The following SCN11A variants were observed in gnomAD, a reference collection of about 807,000 sequenced individuals.
SCN11A encodes sodium voltage-gated channel alpha subunit 11.
Under a neutral mutation model 162.2 loss-of-function variants are expected in SCN11A, and 122 were observed. The ratio of observed to expected loss-of-function variants is 0.75; its 90% CI spans 0.65 to 0.87. The LOEUF is 0.87. SCN11A is among the 40% of genes least tolerant of loss of function. The probability of loss-of-function intolerance (pLI) is 0.00; values close to 1 mark genes in which losing one functional copy is unlikely to be tolerated. For missense variants in SCN11A, 2,015 were observed against 2,181.6 expected, an observed-to-expected ratio of 0.92 and a Z score of 1.52; for synonymous variants, 758 against 751.5, an observed-to-expected ratio of 1.01 and a Z score of -0.14.
chr3:38,917,907 A>AT (rs1210820505), intron 11 of SCN11A, among the ~76,000 whole-genome samples: 1 of 152,170 alleles, frequency 6.6e-6, no homozygotes, highest in East Asian at 1.9e-4. Context: ...ACCTACTGAA[A>AT]TAAAAAAAAT....
intron 2 of SCN11A, among the ~76,000 whole-genome samples, chr3:39,012,616 G>A (rs1034850149): frequency 2.0e-5 from 3 of 151,860 alleles, no homozygotes; most frequent in African/African-American, 7.3e-5. Context: ...AAGCAGCTGG[G>A]ACTACAGGCA....
At chr3:38,913,713 T>G (rs560198839) in intron 11 of SCN11A, among the ~76,000 whole-genome samples, 2 of 152,306 alleles carry the variant, frequency 1.3e-5, no homozygotes, top group East Asian at 3.9e-4. Flanking sequence ...CTTCTGCATA[T>G]AGCTAGCCAG....
intron 21 of SCN11A, 134 bp downstream of exon 21, chr3:38,885,154 C>A (rs750453948): frequency 1.6e-6 from 1 of 621,174 alleles, no homozygotes; most frequent in Non-Finnish European, 2.9e-6. Context: ...CAAGAATCTA[C>A]GGGTGCCCTC....
chr3:38,896,087 A>G (rs1487128495), intron 18 of SCN11A, among the ~76,000 whole-genome samples: 4 of 152,204 alleles, frequency 2.6e-5, no homozygotes, highest in Non-Finnish European at 5.9e-5. Context: ...CTGTAGCATA[A>G]CAAGAAGTTC....
intron 19 of SCN11A, among the ~76,000 whole-genome samples, chr3:38,891,329 G>C (rs928319542): frequency 6.6e-6 from 1 of 151,816 alleles, no homozygotes; most frequent in African/African-American, 2.4e-5. Context: ...ATTTAAAGAT[G>C]AATCAACAGA....
At chr3:39,029,800 C>G (rs1463513374) in intron 2 of SCN11A, among the ~76,000 whole-genome samples, 2 of 152,172 alleles carry the variant, frequency 1.3e-5, no homozygotes, top group Non-Finnish European at 2.9e-5. Flanking sequence ...CATGTACAAC[C>G]AATTAGCAAA....
chr3:39,037,266 T>C (rs2031927972), intron 1 of SCN11A, among the ~76,000 whole-genome samples: 1 of 152,172 alleles, frequency 6.6e-6, no homozygotes, highest in Non-Finnish European at 1.5e-5. Context: ...TTGTAGGAAG[T>C]AAAAATTAAA....
At chr3:38,879,221 G>A (rs2065269228) in intron 23 of SCN11A, among the ~76,000 whole-genome samples, 1 of 152,130 alleles carries the variant, frequency 6.6e-6, no homozygotes, top group Non-Finnish European at 1.5e-5. Context: ...TACAAAAATA[G>A]TAGCACCTGC....
intron 2 of SCN11A, among the ~76,000 whole-genome samples, chr3:38,983,474 T>G (rs1201439295): frequency 6.6e-6 from 1 of 152,162 alleles, no homozygotes; most frequent in East Asian, 1.9e-4. Context: ...TGAGTCTCAC[T>G]TGAATGGGGA....
At chr3:38,994,527 A>G (rs140032163) in intron 2 of SCN11A, among the ~76,000 whole-genome samples, 1 of 152,286 alleles carries the variant, frequency 6.6e-6, no homozygotes, top group Non-Finnish European at 1.5e-5. Context: ...AACTGTTGGT[A>G]TATTATGATT....
At chr3:38,989,692 C>G (rs1185725292) in intron 2 of SCN11A, among the ~76,000 whole-genome samples, 18 of 152,202 alleles carry the variant, frequency 1.2e-4, no homozygotes, top group Admixed American at 1.2e-3. Context: ...CTTAACTTCT[C>G]TGAACTTCAG....
intron 7 of SCN11A, among the ~76,000 whole-genome samples, chr3:38,930,397 A>C (rs2066222833): frequency 6.6e-6 from 1 of 152,188 alleles, no homozygotes; most frequent in Non-Finnish European, 1.5e-5. Context: ...GTCTGTCCTA[A>C]AATATGTGTG....
intron 1 of SCN11A, among the ~76,000 whole-genome samples, chr3:39,033,195 T>G (rs2031810264): frequency 6.6e-6 from 1 of 151,726 alleles, no homozygotes; most frequent in Non-Finnish European, 1.5e-5. Flanking sequence ...TTAATTAACT[T>G]GCTCAGGTAA....
intron 2 of SCN11A, among the ~76,000 whole-genome samples, chr3:39,022,083 C>A (rs766167047): frequency 6.6e-6 from 1 of 152,172 alleles, no homozygotes; most frequent in Non-Finnish European, 1.5e-5. Flanking sequence ...GAGATCACCA[C>A]TGGAGTAGTT....
intron 2 of SCN11A, chr3:39,025,851 C>T (rs1048083185): frequency 1.3e-5 from 2 of 152,174 alleles, no homozygotes; most frequent in South Asian, 2.1e-4. Context: ...TTTACTCCTC[C>T]CCAATTCAAG....
chr3:38,914,119 C>T (rs2065924982), intron 11 of SCN11A, among the ~76,000 whole-genome samples: 1 of 152,160 alleles, frequency 6.6e-6, no homozygotes, highest in South Asian at 2.1e-4. Flanking sequence ...TTCTTCCTAT[C>T]CATGAGCATG....
At chr3:38,854,028 G>A in intron 28 of SCN11A, among the ~76,000 whole-genome samples, 1 of 152,006 alleles carries the variant, frequency 6.6e-6, no homozygotes, top group East Asian at 1.9e-4. Flanking sequence ...GACAAATCCA[G>A]TGACCTATCT....
At chr3:38,932,717 A>G (rs1190321504) in intron 7 of SCN11A, among the ~76,000 whole-genome samples, 1 of 152,196 alleles carries the variant, frequency 6.6e-6, no homozygotes, top group Non-Finnish European at 1.5e-5. Context: ...AAAGCAGCCG[A>G]GAAGCTCCAA....
chr3:38,966,109 C>T (rs1045652293), intron 2 of SCN11A, among the ~76,000 whole-genome samples: 19 of 152,166 alleles, frequency 1.2e-4, no homozygotes, highest in Admixed American at 2.0e-4. Context: ...GAAGTTGCAG[C>T]GCTGGTGAAA....
Sources: allele counts gnomAD v4.1 joint callset (sites outside exome capture counted in the v4.1 genomes callset), GRCh38; gene constraint gnomAD v4.1.1; transcripts MANE v1.5; gene names NCBI Gene and HGNC (gene_info 2026-07-23, HGNC 2026-07-21).